Variants in ADAMTS18 observed in about 807,000 individuals in gnomAD.
The protein encoded by ADAMTS18 is A disintegrin and metalloproteinase with thrombospondin motifs 18.
In ADAMTS18, 157 loss-of-function variants were observed where a neutral mutation model predicts 165.9. That is an observed-to-expected ratio of 0.95 (90% CI 0.83 to 1.08). ADAMTS18 has a LOEUF of 1.08. ADAMTS18 is among the 50% of genes least tolerant of loss of function. The pLI is 0.00. For synonymous variants in ADAMTS18, 782 were observed against 578.2 expected, an observed-to-expected ratio of 1.35 and a Z score of -5.06; for missense variants, 2,040 against 1,534.0, an observed-to-expected ratio of 1.33 and a Z score of -5.51.
rs915684502 is a variant in ADAMTS18, at chr16:77,353,815, G to A, written c.1532C>T (p.Pro511Leu). ...TGTGTCAGCATCATAAATCTGTCCT[G>A]GTAGTTTGTCCGGATATTTATACTG... Reference protein sequence around the residue: ...AGQYKYPDKLPGQIYDADTQC... With the variant: ...AGQYKYPDKLLGQIYDADTQC... Residue 511 changes from proline to leucine, a missense_variant, in exon 10 of 23, where the codon CCA becomes CTA. By Grantham distance (98) the Pro-to-Leu change is moderately conservative. Transcript: ENST00000282849. 7 of 1,613,966 alleles carry A rather than the reference G, an allele frequency of 4.3e-6. No individual in the cohort carries two copies. In the Admixed American group the frequency reaches 6.7e-5, roughly 15 times the overall value.
At chr16:77,391,594 G>A (rs2057188445) in intron 3 of ADAMTS18, among the ~76,000 whole-genome samples, 2 of 152,048 alleles carry the variant, frequency 1.3e-5, no homozygotes, top group South Asian at 2.1e-4. Flanking sequence ...CCAATGGCCA[G>A]GAAGAGGGGG....
chr16:77,356,900 G>C (rs1275324753), intron 8 of ADAMTS18, among the ~76,000 whole-genome samples: 2 of 151,622 alleles, frequency 1.3e-5, no homozygotes, highest in Non-Finnish European at 2.9e-5. Context: ...CTTACTTCAG[G>C]CGATGTTAAA....
intron 16 of ADAMTS18, among the ~76,000 whole-genome samples, chr16:77,315,366 C>A (rs546918426): frequency 2.0e-5 from 3 of 152,222 alleles, no homozygotes; most frequent in African/African-American, 7.2e-5. Flanking sequence ...ATAGCTCTTG[C>A]GTATGAGATT....
chr16:77,293,139 G>A lies in ADAMTS18; in HGVS notation c.3126C>T (p.Gly1042=). 1 of 1,613,998 alleles carries A rather than the reference G, an allele frequency of 6.2e-7. No homozygotes were observed. The highest frequency in any genetic ancestry group is 8.5e-7 in the Non-Finnish European group (1 of 1,179,984). Residue 1042 remains glycine, a synonymous_variant, in exon 20 of 23, where the codon GGC becomes GGT. Coordinates refer to ENST00000282849, the MANE Select transcript of ADAMTS18 (RefSeq NM_199355.4). ...TCTTGGGGCATCGTCCAAGCACACAGCCCTCCTGCAGCTCAGGTCTGGGGA... is the reference window on the plus strand; with the variant it reads ...TCTTGGGGCATCGTCCAAGCACACAACCCTCCTGCAGCTCAGGTCTGGGGA... The part of the protein sequence containing the change: ...TSLPRPELQE[G]CVLGRCPKNS...
Position 77,353,738 on chromosome 16 carries a change from C to G in ADAMTS18, c.1609G>C (p.Val537Leu), listed in dbSNP as rs749454124. ...GAAATCACAAGCAAACATACCTTCA[C>G]AAAACCAAGGCTGCATAACTTGGCT... ...AKAKLCSLGF[V>L]KDICKSLWCH... is the part of the protein sequence containing the mutation. The change falls in exon 10 of 23, where the codon GTG (valine) becomes CTG (leucine). Residue 537 changes from valine (V) to leucine (L), a missense_variant. Transcript: ENST00000282849. 6 of 1,614,182 alleles carry G rather than the reference C, an allele frequency of 3.7e-6. No individual in the cohort carries two copies. The highest frequency in any genetic ancestry group is 5.1e-6 in the Non-Finnish European group (6 of 1,180,030).
rs144271768 is a variant in ADAMTS18, at chr16:77,407,037, C to T, written c.495+24258G>A. 1.4e-3 allele frequency among the ~76,000 whole-genome samples: 220 copies of T among 152,130 alleles called. No individual in the cohort carries two copies. The Middle Eastern group carries it at 0.017, about 12-fold the overall frequency. ...GGATTATTCATACCCCAGACCTCAA[C>T]ATCATGCAAAACACTCATGTAACAA... is the stretch of plus-strand genomic sequence containing the variant. On this transcript the variant is annotated intron_variant, in intron 3 of 22. Transcript: ENST00000282849.
At chr16:77,422,820 C>T (rs1051251136) in intron 3 of ADAMTS18, among the ~76,000 whole-genome samples, 10 of 152,240 alleles carry the variant, frequency 6.6e-5, no homozygotes, top group Middle Eastern at 6.8e-3. Flanking sequence ...TCACACTAGC[C>T]ACCCCACTTC....
chr16:77,308,654 C>G (rs2055725479), intron 16 of ADAMTS18, among the ~76,000 whole-genome samples: 1 of 151,750 alleles, frequency 6.6e-6, no homozygotes, highest in Non-Finnish European at 1.5e-5. Flanking sequence ...TGAAACAGGC[C>G]TTTTCCATAT....
intron 22 of ADAMTS18, among the ~76,000 whole-genome samples, chr16:77,289,062 G>C (rs558229908): frequency 6.6e-6 from 1 of 152,336 alleles, no homozygotes; most frequent in African/African-American, 2.4e-5. Flanking sequence ...GACAGACTGA[G>C]ACTGTCTGAA....
chr16:77,416,816 A>G (rs545719817), intron 3 of ADAMTS18, among the ~76,000 whole-genome samples: 1 of 152,182 alleles, frequency 6.6e-6, no homozygotes, highest in Non-Finnish European at 1.5e-5. Flanking sequence ...GAAGAGATGA[A>G]AGAGTCATTA....
rs1307397962 is a variant in ADAMTS18 at position 77,291,933 on chromosome 16, A to T, written c.3190-455T>A. ...AATGGGAAAAACCACTGTACAGCAA[A>T]TAATTGCTCTTTAAATATACCCAAC... On this transcript the variant is annotated intron_variant, in intron 20 of 22. Transcript: ENST00000282849. 2.0e-5 allele frequency among the ~76,000 whole-genome samples: 3 copies of T among 152,226 alleles called. No individual in the cohort carries two copies. In the South Asian group the frequency reaches 6.2e-4, roughly 32 times the overall value.
At position 77,293,241 on chromosome 16, in the gene ADAMTS18, T is replaced by C. The variant is rs756685685; in HGVS notation, c.3024A>G (p.Gly1008=). 1.2e-6 allele frequency: 2 copies of C among 1,613,654 alleles called. No individual in the cohort carries two copies. Among genetic ancestry groups the C allele is most frequent in the Middle Eastern group, 1.6e-4 (1 of 6,062 alleles). ...GGAGTTCACGCTTCCTCACCCCTCGTCCACAGGTCTTGGAACACTTGAGAA... is the reference window on the plus strand; with the variant it reads ...GGAGTTCACGCTTCCTCACCCCTCGCCCACAGGTCTTGGAACACTTGAGAA... ...GPWSQCSKTC[G]RGVRKRELLC... The change falls in exon 20 of 23, where the codon GGA becomes GGG. Residue 1008 remains glycine, a synonymous_variant. Transcript: ENST00000282849.
intron 12 of ADAMTS18, among the ~76,000 whole-genome samples, chr16:77,329,609 C>A (rs1211151110): frequency 2.0e-5 from 3 of 151,918 alleles, no homozygotes; most frequent in Non-Finnish European, 2.9e-5. Flanking sequence ...TATTGAGTAC[C>A]CACCCTGTGC....
intron 10 of ADAMTS18, among the ~76,000 whole-genome samples, chr16:77,345,785 T>C (rs1276452317): frequency 6.6e-6 from 1 of 152,198 alleles, no homozygotes; most frequent in Non-Finnish European, 1.5e-5. Context: ...TGGAGAGTTC[T>C]GCTGGATGGC....
intron 2 of ADAMTS18, chr16:77,432,424 G>T (rs4887907): frequency 0.46 from 70,501 of 152,020 alleles, 17,732 homozygotes; most frequent in Non-Finnish European, 0.58. Flanking sequence ...CTTCACCACT[G>T]CTCCCTAGAG....
At chr16:77,306,395 GAT>G (rs1192682682) in intron 16 of ADAMTS18, among the ~76,000 whole-genome samples, 1 of 152,198 alleles carries the variant, frequency 6.6e-6, no homozygotes, top group Non-Finnish European at 1.5e-5. Context: ...GAAGGAAGGG[GAT>G]GCAGTTTCTG....
At chr16:77,298,942 C>T (rs140121560) in intron 17 of ADAMTS18, among the ~76,000 whole-genome samples, 9 of 152,366 alleles carry the variant, frequency 5.9e-5, no homozygotes, top group East Asian at 5.8e-4. Context: ...CAGGGCAAGG[C>T]GAGAATTTCA....
chr16:77,302,429 G>A (rs555191265), intron 16 of ADAMTS18, among the ~76,000 whole-genome samples: 2 of 152,266 alleles, frequency 1.3e-5, no homozygotes, highest in African/African-American at 4.8e-5. Context: ...TACAATGTGA[G>A]TGCAATGCAT....
At chr16:77,339,550 A>T (rs1355886368) in intron 11 of ADAMTS18, among the ~76,000 whole-genome samples, 1 of 151,874 alleles carries the variant, frequency 6.6e-6, no homozygotes, top group East Asian at 1.9e-4. Flanking sequence ...TCATTATATA[A>T]ATATTTTCCT....
Sources: gnomAD v4.1 joint callset for allele counts (sites outside exome capture counted in the v4.1 genomes callset) on GRCh38, gnomAD v4.1.1 for gene constraint, MANE v1.5 for transcripts, NCBI Gene and HGNC (gene_info 2026-07-23, HGNC 2026-07-21) for gene names.